Variants in SYNE2 observed in about 807,000 individuals in gnomAD.
SYNE2 encodes nesprin-2.
A neutral mutation model predicts 856.3 loss-of-function variants in SYNE2; 431 were observed. The ratio of observed to expected loss-of-function variants is 0.50; its 90% confidence interval spans 0.47 to 0.55. The LOEUF is 0.55. Among genes scored for constraint, SYNE2 ranks in the 20% least tolerant of loss-of-function variants. The probability of loss-of-function intolerance (pLI) is 0.00; values close to 1 mark genes in which losing one functional copy is unlikely to be tolerated. For missense variants in SYNE2, 8,129 were observed against 8,023.2 expected (o/e 1.01, Z -0.50); for synonymous variants, 2,923 against 2,872.3 (o/e 1.02, Z -0.56).
chr14:63,964,962 CTT>C (rs750645462), intron 10 of SYNE2, among the ~76,000 whole-genome samples: 15 of 130,948 alleles, frequency 1.1e-4, no homozygotes, highest in Admixed American at 7.8e-5. Context: ...TTGAACATTT[CTT>C]TTTTTTTTTT....
intron 62 of SYNE2, chr14:64,098,440 C>T (rs1402496027): frequency 1.7e-6 from 1 of 583,610 alleles, no homozygotes; most frequent in Non-Finnish European, 3.0e-6. Context: ...ACAGAAAAGT[C>T]AGCCCTTTGC....
chr14:63,927,303 T>C (rs56259838), intron 2 of SYNE2, among the ~76,000 whole-genome samples: 82,243 of 151,876 alleles, frequency 0.54, 23,902 homozygotes, highest in Non-Finnish European at 0.64. Context: ...ATCCCAGCAC[T>C]GTGGATGGCT....
intron 5 of SYNE2, 43 bp from the exon 6 acceptor site, chr14:63,942,008 C>T (rs749910410): frequency 4.9e-5 from 78 of 1,598,110 alleles, no homozygotes; most frequent in Non-Finnish European, 6.1e-5. Flanking sequence ...GATTAATGCT[C>T]TGGGATATTT....
chr14:64,197,929 C>G (rs559221845), intron 99 of SYNE2, among the ~76,000 whole-genome samples: 2 of 152,310 alleles, frequency 1.3e-5, no homozygotes, highest in South Asian at 4.1e-4. Context: ...TGCAAAAGAA[C>G]TCTTCTAATT....
At chr14:63,980,781 G>C in intron 15 of SYNE2, 49 bp downstream of exon 15, 1 of 1,315,642 alleles carries the variant, frequency 7.6e-7, no homozygotes, top group Non-Finnish European at 1.1e-6. Context: ...ACTTAACAGT[G>C]ATGTTTTATC....
chr14:64,024,552 TACACACAAATTTC>T, intron 39 of SYNE2, 93 bp downstream of exon 39: 1 of 1,218,210 alleles, frequency 8.2e-7, no homozygotes, highest in East Asian at 2.5e-5. Context: ...GGATACGCAG[TACACACAAATTTC>T]ACACACAAAA....
chr14:63,915,239 G>A (rs1022892863), intron 2 of SYNE2, among the ~76,000 whole-genome samples: 1 of 152,344 alleles, frequency 6.6e-6, no homozygotes, highest in Middle Eastern at 3.4e-3. Flanking sequence ...GCATGATGCA[G>A]GTGGAGGATC....
chr14:63,846,124 A>G (rs1890221952), intron 1 of SYNE2, among the ~76,000 whole-genome samples: 1 of 147,384 alleles, frequency 6.8e-6, no homozygotes, highest in Non-Finnish European at 1.5e-5. Context: ...ATTATGGCTC[A>G]CCAGAGCCTC....
intron 1 of SYNE2, among the ~76,000 whole-genome samples, chr14:63,897,414 TC>T (rs1450844530): frequency 6.6e-6 from 1 of 152,236 alleles, no homozygotes; most frequent in African/African-American, 2.4e-5. Context: ...AGTCTTCACT[TC>T]TGCATGAATC....
chr14:64,080,738 A>G (rs1169056819), intron 56 of SYNE2, 100 bp downstream of exon 56: 2 of 1,479,592 alleles, frequency 1.4e-6, no homozygotes, highest in African/African-American at 2.8e-5. Flanking sequence ...CTGTTGAATT[A>G]TCAGTTTTGG....
At chr14:64,205,397 C>T (rs1011579554) in intron 100 of SYNE2, among the ~76,000 whole-genome samples, 1 of 152,174 alleles carries the variant, frequency 6.6e-6, no homozygotes, top group Non-Finnish European at 1.5e-5. Context: ...GTATGGGCCA[C>T]TTTTTAAAAC....
intron 2 of SYNE2, among the ~76,000 whole-genome samples, chr14:63,916,923 C>T (rs1441449180): frequency 6.6e-6 from 1 of 150,698 alleles, no homozygotes; most frequent in Non-Finnish European, 1.5e-5. Flanking sequence ...TCTGGCTCCA[C>T]AAAAAATAAA....
intron 85 of SYNE2, among the ~76,000 whole-genome samples, chr14:64,154,693 T>C (rs1415817876): frequency 6.7e-6 from 1 of 149,592 alleles, no homozygotes; most frequent in Non-Finnish European, 1.5e-5. Context: ...CTTAGGAGGC[T>C]GAGGCACGAG....
intron 109 of SYNE2, 104 bp from the exon 110 acceptor site, chr14:64,219,104 G>GTTTTTTTGTTTTT: frequency 2.5e-6 from 1 of 407,786 alleles, no homozygotes; most frequent in South Asian, 2.5e-5. Flanking sequence ...CAGTTTTTTT[G>GTTTTTTTGTTTTT]TTTTTTTTTT....
chr14:63,814,937 CAT>C (rs1354399669), intron 1 of SYNE2, among the ~76,000 whole-genome samples: 73 of 135,328 alleles, frequency 5.4e-4, no homozygotes, highest in East Asian at 6.6e-4. Flanking sequence ...TATATCTATC[CAT>C]ATATATCTAT....
Position 64,208,963 on chromosome 14 carries a change from C to G in SYNE2, c.18389+18C>G, listed in dbSNP as rs777783679. ...CGCATGAAGTAAGAACTAAGCTCCC[C>G]CAAATGCCTTCAGCGTGGTCAGCCG... On this transcript the variant is annotated intron_variant, in intron 101 of 115. Coordinates refer to ENST00000555002, the MANE Select transcript of SYNE2 (RefSeq NM_182914.3). 2.5e-6 allele frequency: 4 copies of G among 1,612,594 alleles called. No individual in the cohort carries two copies. The East Asian group carries it at 8.9e-5, about 36-fold the overall frequency.
chr14:64,022,133 C>G (rs1399865665), intron 37 of SYNE2, 105 bp downstream of exon 37: 1 of 1,065,260 alleles, frequency 9.4e-7, no homozygotes, highest in Non-Finnish European at 1.4e-6. Flanking sequence ...ATGGTTTGCA[C>G]AGACTACATT....
At chr14:64,018,306 C>G (rs1166831225) in intron 34 of SYNE2, among the ~76,000 whole-genome samples, 1 of 152,190 alleles carries the variant, frequency 6.6e-6, no homozygotes, top group Non-Finnish European at 1.5e-5. Flanking sequence ...GTGGCACGAT[C>G]TCGGCTCACT....
At chr14:63,891,028 C>T (rs2095118594) in intron 1 of SYNE2, among the ~76,000 whole-genome samples, 1 of 152,198 alleles carries the variant, frequency 6.6e-6, no homozygotes, top group Non-Finnish European at 1.5e-5. Flanking sequence ...ACCCCTGGAA[C>T]TCTCAGCTTT....
Sources: gnomAD v4.1 joint callset for allele counts (sites outside exome capture counted in the v4.1 genomes callset) on GRCh38, gnomAD v4.1.1 for gene constraint, MANE v1.5 for transcripts, NCBI Gene and HGNC (gene_info 2026-07-23, HGNC 2026-07-21) for gene names.